CALD1: variants seen among roughly 807,000 people sequenced by gnomAD.
CALD1 encodes caldesmon.
Under a neutral mutation model 99.9 loss-of-function variants are expected in CALD1, and 33 were observed. The ratio of observed to expected loss-of-function variants is 0.33; its 90% confidence interval spans 0.25 to 0.44. The LOEUF (loss-of-function observed/expected upper bound fraction) is 0.44, where lower values mean the gene tolerates loss of function less well. CALD1 is among the 20% of genes least tolerant of loss of function. CALD1 has a pLI of 1.00. For missense variants in CALD1, 861 were observed against 962.1 expected, an observed-to-expected ratio of 0.89 and a Z score of 1.39; for synonymous variants, 310 against 325.0, an observed-to-expected ratio of 0.95 and a Z score of 0.50.
chr7:134,810,434 T>C (rs1798309673), intron 1 of CALD1, among the ~76,000 whole-genome samples: 1 of 152,218 alleles, frequency 6.6e-6, no homozygotes. Flanking sequence ...ATATGTATTA[T>C]GAGCTCACTA....
intron 3 of CALD1, among the ~76,000 whole-genome samples, chr7:134,878,127 A>G (rs1210905280): frequency 6.6e-6 from 1 of 152,162 alleles, no homozygotes; most frequent in Non-Finnish European, 1.5e-5. Flanking sequence ...ATTTTAAAAT[A>G]AAATTTGAAA....
intron 3 of CALD1, among the ~76,000 whole-genome samples, chr7:134,913,247 C>T (rs956630267): frequency 6.6e-6 from 1 of 151,790 alleles, no homozygotes; most frequent in African/African-American, 2.4e-5. Flanking sequence ...GCCTAGGCAA[C>T]AAGAGTGAAT....
chr7:134,740,744 T>C (rs1377758567), upstream of CALD1, among the ~76,000 whole-genome samples: 1 of 152,242 alleles, frequency 6.6e-6, no homozygotes, highest in Non-Finnish European at 1.5e-5. Flanking sequence ...CAAGGCATAC[T>C]GCTGGTAACC....
chr7:134,920,648 T>G (rs1238915206), intron 3 of CALD1: 27 of 1,289,216 alleles, frequency 2.1e-5, no homozygotes, highest in East Asian at 5.5e-5. Context: ...ACTTCTTATA[T>G]GAAAGTGGAC....
Position 134,790,359 on chromosome 7 carries a change from G to A in CALD1, c.-130+10610G>A, listed in dbSNP as rs374908210. Among the ~76,000 whole-genome samples, 25 of 152,252 alleles carry A rather than the reference G, an allele frequency of 1.6e-4. No individual in the cohort carries two copies. The East Asian group carries it at 4.8e-3, about 29-fold the overall frequency. On this transcript the variant is annotated intron_variant, in intron 1 of 14. Transcript: ENST00000361675. Reference sequence around the variant, plus strand: ...AGGACTGCTCTCTCAGAGCAGTAAAGTAAATCAAATAACTTGCCCAAAGTC... The same window carrying A: ...AGGACTGCTCTCTCAGAGCAGTAAAATAAATCAAATAACTTGCCCAAAGTC...
At chr7:134,941,824 A>G (rs1407921386) in intron 7 of CALD1, among the ~76,000 whole-genome samples, 1 of 152,060 alleles carries the variant, frequency 6.6e-6, no homozygotes, top group Non-Finnish European at 1.5e-5. Context: ...CTACTGCTCT[A>G]TTTTATACAG....
At chr7:134,787,772 T>C (rs1396260544) in intron 1 of CALD1, among the ~76,000 whole-genome samples, 1 of 152,214 alleles carries the variant, frequency 6.6e-6, no homozygotes, top group East Asian at 1.9e-4. Context: ...TTCAGAGCAC[T>C]GAGTACATGG....
chr7:134,949,275 A>G (rs984691323), intron 8 of CALD1, among the ~76,000 whole-genome samples: 1 of 152,150 alleles, frequency 6.6e-6, no homozygotes, highest in Non-Finnish European at 1.5e-5. Flanking sequence ...CAAACACAGG[A>G]TCCTTCTGTG....
intron 1 of CALD1, among the ~76,000 whole-genome samples, chr7:134,824,359 T>C (rs1000632907): frequency 3.3e-5 from 5 of 152,242 alleles, no homozygotes; most frequent in Admixed American, 6.5e-5. Flanking sequence ...GTTGATCAGA[T>C]TGATTTAAGA....
intron 3 of CALD1, among the ~76,000 whole-genome samples, chr7:134,883,354 T>A (rs1043840272): frequency 1.3e-5 from 2 of 152,020 alleles, no homozygotes; most frequent in Non-Finnish European, 2.9e-5. Flanking sequence ...CTGTCGGCTA[T>A]TTTTTTTAAG....
At chr7:134,755,394 TA>T (rs1228479187) in intron 1 of CALD1, among the ~76,000 whole-genome samples, 2 of 152,364 alleles carry the variant, frequency 1.3e-5, no homozygotes, top group Middle Eastern at 3.4e-3. Flanking sequence ...TATGCTTCAT[TA>T]TTGTTTCAAT....
intron 3 of CALD1, among the ~76,000 whole-genome samples, chr7:134,914,569 C>G (rs906902863): frequency 6.6e-6 from 1 of 152,154 alleles, no homozygotes; most frequent in Non-Finnish European, 1.5e-5. Context: ...CTCAGTTCTT[C>G]GAAGCCATCT....
the CALD1 span, among the ~76,000 whole-genome samples, chr7:134,716,290 T>C: frequency 6.6e-6 from 1 of 152,218 alleles, no homozygotes; most frequent in Non-Finnish European, 1.5e-5. Flanking sequence ...AACTGGCTAC[T>C]ATAAAAATTC....
At chr7:134,780,551 G>A (rs1414718051) in intron 1 of CALD1, among the ~76,000 whole-genome samples, 2 of 152,180 alleles carry the variant, frequency 1.3e-5, no homozygotes, top group African/African-American at 4.8e-5. Context: ...GATTGGCAAT[G>A]TGTTTCAGAA....
chr7:134,891,751 A>T, intron 3 of CALD1: 8 of 855,838 alleles, frequency 9.3e-6, no homozygotes, highest in Non-Finnish European at 6.6e-6. Context: ...GTTGTAAAAA[A>T]AAAAAAAAAA....
chr7:134,826,618 C>T (rs1054856582), intron 1 of CALD1, among the ~76,000 whole-genome samples: 1 of 151,974 alleles, frequency 6.6e-6, no homozygotes, highest in Non-Finnish European at 1.5e-5. Context: ...CCTAAACTAT[C>T]ATGATAACAG....
At chr7:134,764,262 T>A (rs1344293989) in intron 1 of CALD1, among the ~76,000 whole-genome samples, 1 of 152,182 alleles carries the variant, frequency 6.6e-6, no homozygotes. Flanking sequence ...ACTTGCATTC[T>A]CAGATTTGGT....
Position 134,903,658 on chromosome 7 carries a change from G to A in CALD1, c.72-25096G>A, listed in dbSNP as rs118049430. ...TTGTCTCCCTGTGTCTCTTCTTAGC[G>A]TCTGCCCTCTGTGCAGGTCTGTCTG... On this transcript the variant is annotated intron_variant, in intron 3 of 14. Coordinates refer to ENST00000361675, the MANE Select transcript of CALD1 (RefSeq NM_033138.4). Among the ~76,000 whole-genome samples the A allele has an allele frequency of 6.6e-3, 1,004 of 152,054 alleles. 10 individuals are homozygous for A. Among genetic ancestry groups the A allele is most frequent in the Non-Finnish European group, 0.012 (791 of 67,990 alleles).
intron 14 of CALD1, 179 bp downstream of exon 14, chr7:134,965,565 C>G: frequency 1.9e-6 from 1 of 518,530 alleles, no homozygotes; most frequent in Admixed American, 3.3e-5. Flanking sequence ...GCAAGTTTGT[C>G]AGTCATACAA....
Sources: allele counts gnomAD v4.1 joint callset (sites outside exome capture counted in the v4.1 genomes callset), GRCh38; gene constraint gnomAD v4.1.1; transcripts MANE v1.5; gene names NCBI Gene and HGNC (gene_info 2026-07-23, HGNC 2026-07-21).